The following SDK1 variants were observed in gnomAD, a reference collection of about 807,000 sequenced individuals.
The protein encoded by SDK1 is sidekick cell adhesion molecule 1, also known as protein sidekick-1.
Under a neutral mutation model 245.5 loss-of-function variants are expected in SDK1, and 157 were observed. That is an observed-to-expected ratio of 0.64 (90% CI 0.56 to 0.73). SDK1 has a LOEUF of 0.73. Among genes scored for constraint, SDK1 ranks in the 30% least tolerant of loss-of-function variants. SDK1 has a pLI of 0.00. For missense variants in SDK1, 3,583 were observed against 3,002.3 expected (o/e 1.19, Z -4.52); for synonymous variants, 1,647 against 1,278.5 (o/e 1.29, Z -6.15).
In SDK1 at chr7:3,759,471, G is replaced by A. The variant is rs73304293; in HGVS notation, c.714-61979G>A. Among the ~76,000 whole-genome samples the A allele has an allele frequency of 6.3e-3, 966 of 152,290 alleles. 9 individuals carry two copies. Among genetic ancestry groups the A allele is most frequent in the African/African-American group, 0.022 (900 of 41,552 alleles). ...TATTAGTTAATGATGGTGAAAGCCAGCGACTGTGGACTGTCTCCCTGCAGT... is the reference window on the plus strand; with the variant it reads ...TATTAGTTAATGATGGTGAAAGCCAACGACTGTGGACTGTCTCCCTGCAGT... On this transcript the variant is annotated intron_variant, in intron 4 of 44. Transcript: ENST00000404826.
At chr7:3,418,659 T>C (rs900695338) in intron 1 of SDK1, among the ~76,000 whole-genome samples, 2 of 152,218 alleles carry the variant, frequency 1.3e-5, no homozygotes, top group Admixed American at 6.5e-5. Context: ...AAGGTATTTA[T>C]TGTTAAGACT....
chr7:3,990,349 A>G (rs1784202682), intron 14 of SDK1, among the ~76,000 whole-genome samples: 1 of 152,158 alleles, frequency 6.6e-6, no homozygotes, highest in Admixed American at 6.5e-5. Context: ...TGCAACTCCC[A>G]CTCGGGCCTC....
intron 1 of SDK1, among the ~76,000 whole-genome samples, chr7:3,588,416 A>G (rs1041826224): frequency 6.6e-6 from 1 of 152,232 alleles, no homozygotes; most frequent in Non-Finnish European, 1.5e-5. Context: ...ATTAGAAACA[A>G]AAAACAACAG....
At chr7:3,655,448 A>AATATAT (rs1194322286) in intron 4 of SDK1, among the ~76,000 whole-genome samples, 52 of 66,280 alleles carry the variant, frequency 7.8e-4, no homozygotes, top group African/African-American at 9.0e-4. Flanking sequence ...AAACAAAACA[A>AATATAT]ATATATATAT....
chr7:3,825,318 TAAAAA>T (rs763807672), intron 5 of SDK1, among the ~76,000 whole-genome samples: 1 of 71,372 alleles, frequency 1.4e-5, no homozygotes. Flanking sequence ...TTTCTTCCTC[TAAAAA>T]AAAAAAAAAA....
At chr7:3,339,535 T>TA (rs1262269226) in intron 1 of SDK1, among the ~76,000 whole-genome samples, 21 of 151,952 alleles carry the variant, frequency 1.4e-4, no homozygotes, top group Admixed American at 3.3e-4. Flanking sequence ...GGCTATAAAA[T>TA]AAAAAACGTA....
chr7:3,555,768 A>G (rs1779568449), intron 1 of SDK1, among the ~76,000 whole-genome samples: 2 of 152,190 alleles, frequency 1.3e-5, no homozygotes. Flanking sequence ...AAAGATCTGA[A>G]TAGATATTTT....
intron 13 of SDK1, among the ~76,000 whole-genome samples, chr7:3,981,429 A>G (rs1361936451): frequency 1.3e-5 from 2 of 151,892 alleles, no homozygotes; most frequent in Non-Finnish European, 2.9e-5. Flanking sequence ...TCCATGTGAA[A>G]GAGAGGGTTG....
chr7:3,794,996 TG>T (rs1327691635), intron 4 of SDK1, among the ~76,000 whole-genome samples: 1 of 152,184 alleles, frequency 6.6e-6, no homozygotes, highest in African/African-American at 2.4e-5. Context: ...ACGAACTCTG[TG>T]CCAGGCACTC....
intron 1 of SDK1, among the ~76,000 whole-genome samples, chr7:3,372,359 G>C (rs1245094369): frequency 2.0e-5 from 3 of 152,184 alleles, no homozygotes; most frequent in African/African-American, 7.2e-5. Context: ...CCACGTTACA[G>C]TTAGAAAATT....
At chr7:4,184,215 A>T (rs1288063266) in intron 35 of SDK1, among the ~76,000 whole-genome samples, 1 of 152,206 alleles carries the variant, frequency 6.6e-6, no homozygotes, top group Non-Finnish European at 1.5e-5. Flanking sequence ...GAGCACCACA[A>T]ACTCGTGGGC....
intron 1 of SDK1, among the ~76,000 whole-genome samples, chr7:3,591,509 T>C (rs777627280): frequency 6.6e-6 from 1 of 152,246 alleles, no homozygotes; most frequent in Non-Finnish European, 1.5e-5. Context: ...ATTAAAGAAA[T>C]ATTTTGCACT....
intron 1 of SDK1, among the ~76,000 whole-genome samples, chr7:3,382,065 AG>A (rs1218910553): frequency 6.6e-6 from 1 of 152,188 alleles, no homozygotes; most frequent in Non-Finnish European, 1.5e-5. Flanking sequence ...CCTATGCACA[AG>A]AAAAACCTAT....
chr7:3,304,766 A>AC (rs958251500), intron 1 of SDK1, among the ~76,000 whole-genome samples: 3 of 152,226 alleles, frequency 2.0e-5, no homozygotes, highest in Admixed American at 6.5e-5. Context: ...TATTCCAGAC[A>AC]CCTGCTGACT....
chr7:3,431,905 G>C (rs1165542256), intron 1 of SDK1, among the ~76,000 whole-genome samples: 1 of 151,922 alleles, frequency 6.6e-6, no homozygotes, highest in Non-Finnish European at 1.5e-5. Context: ...TTTATAAAAA[G>C]ATTCTCCCTA....
chr7:4,002,074 T>G (rs1285664687), intron 14 of SDK1, among the ~76,000 whole-genome samples: 2 of 152,260 alleles, frequency 1.3e-5, no homozygotes, highest in African/African-American at 4.8e-5. Context: ...AAAAATTATG[T>G]TCCTTTTGTC....
At chr7:3,619,413 T>C (rs760614693) in intron 2 of SDK1, among the ~76,000 whole-genome samples, 174 bp downstream of exon 2, 3 of 152,238 alleles carry the variant, frequency 2.0e-5, no homozygotes, top group Non-Finnish European at 2.9e-5. Flanking sequence ...TATTCTGATA[T>C]AGGTTGTACT....
intron 19 of SDK1, among the ~76,000 whole-genome samples, chr7:4,052,170 C>G (rs1778898902): frequency 1.5e-3 from 2 of 1,294 alleles, no homozygotes; most frequent in African/African-American, 8.6e-3. Context: ...TTCCATGATC[C>G]CCCCCCCCCC....
chr7:4,267,017 C>T lies in SDK1; in HGVS notation c.*1633C>T, dbSNP rs1418211147. On this transcript the variant is annotated 3_prime_UTR_variant, in exon 45 of 45. Transcript: ENST00000404826. ...CCCCTGCTTACCTAGATGTTTTGTG[C>T]ACCTCCATGGGCAGAGGGTGTGGAT... 4 of 985,484 alleles carry T rather than the reference C, an allele frequency of 4.1e-6. No homozygotes were observed. The highest frequency in any genetic ancestry group is 3.5e-5 in the African/African-American group (2 of 57,250). The allele number at this position is 985,484 out of a possible 1,614,324, so 61.0% of individuals were successfully genotyped here. A position where few individuals can be genotyped will look rare whatever the true frequency, so the allele number is the denominator to read the frequency against.
Sources: allele counts gnomAD v4.1 joint callset (sites outside exome capture counted in the v4.1 genomes callset), GRCh38; gene constraint gnomAD v4.1.1; transcripts MANE v1.5; gene names NCBI Gene and HGNC (gene_info 2026-07-23, HGNC 2026-07-21).